Variants in TBCK observed in about 807,000 individuals in gnomAD.
TBCK encodes the protein TBC1 domain containing kinase.
Under a neutral mutation model 113.4 loss-of-function variants are expected in TBCK, and 99 were observed. The ratio of observed to expected loss-of-function variants is 0.87; its 90% CI spans 0.74 to 1.03. The LOEUF is 1.03. TBCK is among the 50% of genes least tolerant of loss of function. The probability of loss-of-function intolerance (pLI) is 0.00; values close to 1 mark genes in which losing one functional copy is unlikely to be tolerated. For missense variants in TBCK, 1,045 were observed against 1,061.3 expected (o/e 0.98, Z 0.21); for synonymous variants, 369 against 370.8 (o/e 1.00, Z 0.05).
chr4:106,303,921 T>C (rs1767226316), intron 2 of TBCK, among the ~76,000 whole-genome samples: 1 of 152,150 alleles, frequency 6.6e-6, no homozygotes, highest in African/African-American at 2.4e-5. Flanking sequence ...CCTCGGATCA[T>C]GACCCTCAGA....
chr4:106,271,379 GT>G lies in TBCK; in HGVS notation c.267-9168del, dbSNP rs575198244. On this transcript the variant is annotated intron_variant, in intron 3 of 25. Coordinates refer to ENST00000394708, the MANE Select transcript of TBCK (RefSeq NM_001163435.3). ...TTCTTAATTTTAGGTTCTCCTGTGT[GT>G]GTTGTTTTCTTGTGCAATATCTGCA... Among the ~76,000 whole-genome samples the G allele has an allele frequency of 1.5e-3, 232 of 152,282 alleles. 1 individual carries two copies. The highest frequency in any genetic ancestry group is 5.4e-3 in the African/African-American group (226 of 41,564).
chr4:106,058,159 C>T (rs1240243994), intron 25 of TBCK, among the ~76,000 whole-genome samples: 1 of 151,672 alleles, frequency 6.6e-6, no homozygotes. Context: ...CAACATAGTC[C>T]CTCTCCTTAA....
intron 11 of TBCK, 76 bp from the exon 12 acceptor site, chr4:106,242,645 T>G: frequency 1.0e-6 from 1 of 955,440 alleles, no homozygotes; most frequent in Non-Finnish European, 1.5e-6. Context: ...AAGTTTATTC[T>G]AAGTCATCAA....
Position 106,042,361 on chromosome 4 carries a change from T to C in TBCK, c.*4209A>G, listed in dbSNP as rs1363593814. 6.6e-6 allele frequency: 1 copy of C among 150,660 alleles called. No homozygotes were observed. The highest frequency in any genetic ancestry group is 1.5e-5 in the Non-Finnish European group (1 of 67,566). 9.3% of individuals were successfully genotyped at this position (150,660 alleles called of 1,614,324 possible). Reference sequence around the variant, plus strand: ...ATTAAATAAGACTACTGCATAAGATTTTTTTTTTTCTTTTTTGAGACGGAG... The same window carrying C: ...ATTAAATAAGACTACTGCATAAGATCTTTTTTTTTCTTTTTTGAGACGGAG... On this transcript the variant is annotated 3_prime_UTR_variant, in exon 26 of 26. Coordinates refer to ENST00000394708, the MANE Select transcript of TBCK (RefSeq NM_001163435.3).
At chr4:106,288,528 A>T (rs1765351988) in intron 3 of TBCK, among the ~76,000 whole-genome samples, 1 of 152,242 alleles carries the variant, frequency 6.6e-6, no homozygotes, top group African/African-American at 2.4e-5. Context: ...AAAAATGTTC[A>T]TCCCCTTAAA....
intron 15 of TBCK, among the ~76,000 whole-genome samples, chr4:106,234,144 A>AT (rs1759189901): frequency 6.6e-6 from 1 of 152,146 alleles, no homozygotes; most frequent in South Asian, 2.1e-4. Flanking sequence ...ATTCTGGCTT[A>AT]TTATCATGGT....
chr4:106,234,703 G>T (rs915238294), intron 15 of TBCK, among the ~76,000 whole-genome samples: 1 of 152,134 alleles, frequency 6.6e-6, no homozygotes, highest in African/African-American at 2.4e-5. Context: ...AATCTGGCAA[G>T]AATTTGGCCC....
intron 25 of TBCK, among the ~76,000 whole-genome samples, chr4:106,068,087 C>A (rs1279337653): frequency 6.6e-6 from 1 of 152,038 alleles, no homozygotes; most frequent in Non-Finnish European, 1.5e-5. Flanking sequence ...GTCATCAAAA[C>A]AATTATTCCA....
chr4:106,300,720 A>C lies in TBCK; in HGVS notation c.194-5554T>G, dbSNP rs181542704. 8.5e-5 allele frequency among the ~76,000 whole-genome samples: 13 copies of C among 152,318 alleles called. No individual in the cohort carries two copies. The East Asian group carries it at 2.5e-3, about 29-fold the overall frequency. On this transcript the variant is annotated intron_variant, in intron 2 of 25. Coordinates refer to ENST00000394708, the MANE Select transcript of TBCK (RefSeq NM_001163435.3). ...TTGCTGTGAAATTATTTTGTAAATG[A>C]GTAAAGTCTATAATCAGTTTACTTT...
intron 23 of TBCK, among the ~76,000 whole-genome samples, chr4:106,118,045 A>T (rs1004444920): frequency 1.3e-5 from 2 of 151,864 alleles, no homozygotes; most frequent in African/African-American, 4.8e-5. Context: ...CAAACACTTT[A>T]AAAAATCAAG....
At chr4:106,266,279 A>G (rs1762985078) in intron 3 of TBCK, among the ~76,000 whole-genome samples, 1 of 151,802 alleles carries the variant, frequency 6.6e-6, no homozygotes, top group Non-Finnish European at 1.5e-5. Flanking sequence ...TTATGAACTC[A>G]TTTGGCTCTA....
chr4:106,169,255 C>A (rs1272520762), intron 23 of TBCK, among the ~76,000 whole-genome samples: 2 of 129,412 alleles, frequency 1.5e-5, no homozygotes, highest in African/African-American at 6.1e-5. Context: ...ATAACCAACA[C>A]AGTATTAAAA....
At chr4:106,145,504 TCAGTCCTAAAC>T (rs1415623009) in intron 23 of TBCK, among the ~76,000 whole-genome samples, 1 of 152,198 alleles carries the variant, frequency 6.6e-6, no homozygotes, top group African/African-American at 2.4e-5. Context: ...TATGGAGGGT[TCAGTCCTAAAC>T]CATGACAAAA....
In TBCK at chr4:106,264,572, C is replaced by T. The variant is rs558949477; in HGVS notation, c.267-2360G>A. Among the ~76,000 whole-genome samples the T allele has an allele frequency of 7.2e-5, 11 of 152,006 alleles. No individual in the cohort carries two copies. The East Asian group carries it at 1.9e-3, about 27-fold the overall frequency. The stretch of plus-strand genomic sequence containing the variant: ...TCTGAGAAAGATGGGAAGTGATTGG[C>T]ACATTGCCATATGATAATAATGATT... On this transcript the variant is annotated intron_variant, in intron 3 of 25. Coordinates refer to ENST00000394708, the MANE Select transcript of TBCK (RefSeq NM_001163435.3).
At chr4:106,177,365 C>G (rs1279016355) in intron 22 of TBCK, among the ~76,000 whole-genome samples, 1 of 151,786 alleles carries the variant, frequency 6.6e-6, no homozygotes, top group Non-Finnish European at 1.5e-5. Context: ...TCTACTTTGG[C>G]TTTGGTTGCC....
chr4:106,107,719 A>G (rs1045333207), intron 24 of TBCK, among the ~76,000 whole-genome samples: 1 of 152,212 alleles, frequency 6.6e-6, no homozygotes, highest in African/African-American at 2.4e-5. Context: ...TTCACAATGG[A>G]AAGAATTAGA....
At chr4:106,189,820 G>T (rs527321116) in intron 22 of TBCK, among the ~76,000 whole-genome samples, 1 of 151,486 alleles carries the variant, frequency 6.6e-6, no homozygotes, top group Non-Finnish European at 1.5e-5. Context: ...ATCCTTCTTT[G>T]TCTACCTCTC....
At chr4:106,219,311 G>A (rs1018329013) in intron 19 of TBCK, among the ~76,000 whole-genome samples, 2 of 151,240 alleles carry the variant, frequency 1.3e-5, no homozygotes, top group African/African-American at 4.9e-5. Context: ...CATGGCACAT[G>A]TATACGTATG....
At chr4:106,082,518 T>C (rs1739001549) in intron 25 of TBCK, among the ~76,000 whole-genome samples, 1 of 152,030 alleles carries the variant, frequency 6.6e-6, no homozygotes, top group Non-Finnish European at 1.5e-5. Context: ...GAGGGGGTCA[T>C]TTGTACACGA....
Sources: gnomAD v4.1 joint callset for allele counts (sites outside exome capture counted in the v4.1 genomes callset) on GRCh38, gnomAD v4.1.1 for gene constraint, MANE v1.5 for transcripts, NCBI Gene and HGNC (gene_info 2026-07-23, HGNC 2026-07-21) for gene names.